Variants in PHF20 observed in about 807,000 individuals in gnomAD.
The protein encoded by PHF20 is PHD finger protein 20.
PHF20 carries 23 observed loss-of-function variants against 113.5 expected under a neutral mutation model. The observed-to-expected ratio is 0.20, with a 90% CI of 0.15 to 0.29. The LOEUF (loss-of-function observed/expected upper bound fraction) is 0.29. PHF20 is among the 10% of genes least tolerant of loss of function. The pLI, the probability that PHF20 is intolerant of heterozygous loss-of-function variation, is 1.00. For synonymous variants in PHF20, 434 were observed against 457.3 expected, an observed-to-expected ratio of 0.95 and a Z score of 0.65; for missense variants, 943 against 1,219.6, an observed-to-expected ratio of 0.77 and a Z score of 3.38.
chr20:35,850,313 T>TTTTTTTG (rs1390730047), intron 4 of PHF20, among the ~76,000 whole-genome samples: 3 of 121,214 alleles, frequency 2.5e-5, no homozygotes, highest in African/African-American at 1.0e-4. Context: ...TTTTTTTTTT[T>TTTTTTTG]TTTTTTTTTT....
chr20:35,798,412 G>A (rs1342376710), intron 1 of PHF20, among the ~76,000 whole-genome samples: 2 of 151,760 alleles, frequency 1.3e-5, no homozygotes, highest in Non-Finnish European at 2.9e-5. Flanking sequence ...GCAAGACCTT[G>A]TCTCCAAAAA....
chr20:35,868,340 C>G (rs2054354759), intron 6 of PHF20, among the ~76,000 whole-genome samples: 1 of 151,860 alleles, frequency 6.6e-6, no homozygotes, highest in African/African-American at 2.4e-5. Context: ...TGGCTCACAC[C>G]TGTAATCTCA....
intron 2 of PHF20, among the ~76,000 whole-genome samples, chr20:35,821,439 A>G (rs1389763866): frequency 6.6e-6 from 1 of 151,630 alleles, no homozygotes; most frequent in Non-Finnish European, 1.5e-5. Flanking sequence ...CTGTCAAAAA[A>G]AAAAAAGGGG....
At chr20:35,904,999 AT>A (rs1458132913) in intron 10 of PHF20, among the ~76,000 whole-genome samples, 1 of 151,426 alleles carries the variant, frequency 6.6e-6, no homozygotes, top group Non-Finnish European at 1.5e-5. Flanking sequence ...CTAATTTTGT[AT>A]TTTTAGTAGA....
intron 4 of PHF20, among the ~76,000 whole-genome samples, chr20:35,850,034 G>A (rs1270218654): frequency 1.3e-5 from 2 of 152,150 alleles, no homozygotes; most frequent in African/African-American, 4.8e-5. Context: ...GTTTCTTAAG[G>A]AAGTCTGTTA....
At chr20:35,788,253 C>T (rs1342385983) in intron 1 of PHF20, among the ~76,000 whole-genome samples, 9 of 151,822 alleles carry the variant, frequency 5.9e-5, no homozygotes, top group Non-Finnish European at 8.8e-5. Context: ...CCCGCCACCA[C>T]GCCCGGCTAA....
intron 1 of PHF20, among the ~76,000 whole-genome samples, chr20:35,779,199 C>T (rs558718063): frequency 6.6e-6 from 1 of 151,946 alleles, no homozygotes; most frequent in South Asian, 2.1e-4. Context: ...CCTCACCCTG[C>T]TAATCTTTTA....
rs774628465 is a variant in PHF20, at chr20:35,917,543, G to T, written c.1885G>T (p.Gly629Cys). ...CTTTCTCTGGAGTGATGATGAGTAT[G>T]GCCAAGATGTGGATGTGACCACCAA... is the stretch of plus-strand genomic sequence containing the variant. The part of the protein sequence containing the change: ...ESFLWSDDEY[G>C]QDVDVTTNPD... Residue 629 changes from glycine (G) to cysteine (C), a missense_variant, in exon 13 of 18, where the codon GGC (glycine) becomes TGC (cysteine). Around this residue, in one of 3 missense-constraint regions of PHF20, gnomAD observed 592 missense variants for 787.2 expected, o/e 0.75. Transcript: ENST00000374012. The T allele has an allele frequency of 3.1e-6, 5 of 1,613,862 alleles. No individual in the cohort carries two copies. Among genetic ancestry groups the T allele is most frequent in the Admixed American group, 3.3e-5 (2 of 59,974 alleles).
intron 2 of PHF20, among the ~76,000 whole-genome samples, chr20:35,836,855 A>C (rs367843408): frequency 1.8e-3 from 273 of 151,874 alleles, no homozygotes; most frequent in Middle Eastern, 3.4e-3. Context: ...AAAAAAAAAA[A>C]AAAAAACTTT....
intron 1 of PHF20, among the ~76,000 whole-genome samples, chr20:35,775,384 C>G (rs2041151333): frequency 6.6e-6 from 1 of 152,052 alleles, no homozygotes; most frequent in African/African-American, 2.4e-5. Context: ...ACACACATCC[C>G]TTAAAAGTTT....
chr20:35,793,995 C>CAAAAAAAAAAAAAAAAAAAAAAAAAAAA, intron 1 of PHF20, among the ~76,000 whole-genome samples: 1 of 33,840 alleles, frequency 3.0e-5, no homozygotes, highest in African/African-American at 1.3e-4. Flanking sequence ...GACTCTGTCT[C>CAAAAAAAAAAAAAAAAAAAAAAAAAAAA]AAAAAAAAAA....
chr20:35,916,228 G>A (rs576824373), intron 12 of PHF20, among the ~76,000 whole-genome samples: 5 of 152,290 alleles, frequency 3.3e-5, no homozygotes, highest in Non-Finnish European at 7.4e-5. Flanking sequence ...TTGCAATAAT[G>A]GTGTCAGTAG....
intron 1 of PHF20, among the ~76,000 whole-genome samples, chr20:35,786,118 G>A (rs2146837784): frequency 6.6e-6 from 1 of 152,208 alleles, no homozygotes; most frequent in Middle Eastern, 3.4e-3. Flanking sequence ...GCTGGGCGTG[G>A]TGGCTCACGC....
At chr20:35,796,491 T>C (rs763339072) in intron 1 of PHF20, among the ~76,000 whole-genome samples, 6 of 152,150 alleles carry the variant, frequency 3.9e-5, no homozygotes, top group Non-Finnish European at 5.9e-5. Context: ...CCACAGGTTG[T>C]TCTTTGCTTC....
chr20:35,861,794 G>A (rs914381864), intron 5 of PHF20, among the ~76,000 whole-genome samples: 9 of 151,842 alleles, frequency 5.9e-5, no homozygotes, highest in Admixed American at 3.3e-4. Context: ...TAGTTTGGGG[G>A]ACTTGAAAAA....
At chr20:35,947,357 GGAGGC>G in intron 17 of PHF20, 123 bp from the exon 18 acceptor site, 7 of 878,462 alleles carry the variant, frequency 8.0e-6, no homozygotes, top group South Asian at 6.3e-5. Context: ...CTTGCCCCAT[GGAGGC>G]TGAAATGGCC....
intron 10 of PHF20, 75 bp downstream of exon 10, chr20:35,899,723 C>T (rs1322221832): frequency 1.4e-6 from 2 of 1,452,360 alleles, no homozygotes; most frequent in East Asian, 4.5e-5. Flanking sequence ...TTCTGACACA[C>T]AAAGCAGGCA....
At chr20:35,925,925 A>G (rs909685343) in intron 13 of PHF20, among the ~76,000 whole-genome samples, 11 of 151,756 alleles carry the variant, frequency 7.2e-5, no homozygotes, top group Non-Finnish European at 1.3e-4. Context: ...GATCGAGACC[A>G]TTCTGGCTAA....
Position 35,913,277 on chromosome 20 carries a change from G to T in PHF20, c.1590G>T (p.Glu530Asp), listed in dbSNP as rs1308937561. ...CAAAAGACAAGGAAAAGAATAAAGAGAAGAAATTCAAGGAGTTTGTGAGAG... is the reference window on the plus strand; with the variant it reads ...CAAAAGACAAGGAAAAGAATAAAGATAAGAAATTCAAGGAGTTTGTGAGAG... ...PTTKDKEKNK[E>D]KKFKEFVRVK... Residue 530 changes from glutamate (E) to aspartate (D), a missense_variant, in exon 11 of 18, where the codon GAG (glutamate) becomes GAT (aspartate). Around this residue, in one of 3 missense-constraint regions of PHF20, gnomAD observed 592 missense variants for 787.2 expected, o/e 0.75. Transcript: ENST00000374012. 6.2e-7 allele frequency: 1 copy of T among 1,601,626 alleles called. No individual in the cohort carries two copies. The highest frequency in any genetic ancestry group is 2.2e-5 in the East Asian group (1 of 44,736).
Sources: gnomAD v4.1 joint callset for allele counts (sites outside exome capture counted in the v4.1 genomes callset) on GRCh38, gnomAD v4.1.1 for gene constraint, gnomAD v4.1.1 regional missense constraint, MANE v1.5 for transcripts, NCBI Gene and HGNC (gene_info 2026-07-23, HGNC 2026-07-21) for gene names.